Variants in CNTNAP2 observed in about 807,000 individuals in gnomAD.
The protein encoded by CNTNAP2 is contactin-associated protein-like 2.
CNTNAP2 carries 98 observed loss-of-function variants against 155.2 expected under a neutral mutation model. The ratio of observed to expected loss-of-function variants is 0.63; its 90% confidence interval spans 0.54 to 0.75. CNTNAP2 has a LOEUF of 0.75. Ranked by LOEUF, CNTNAP2 falls within the 30% of genes least tolerant of loss-of-function variation. The pLI is 0.00. For missense variants in CNTNAP2, 1,727 were observed against 1,688.1 expected, an observed-to-expected ratio of 1.02 and a Z score of -0.40; for synonymous variants, 651 against 631.2, an observed-to-expected ratio of 1.03 and a Z score of -0.47.
chr7:147,583,247 T>TGA (rs1800544583), intron 12 of CNTNAP2, among the ~76,000 whole-genome samples: 1 of 151,978 alleles, frequency 6.6e-6, no homozygotes, highest in Non-Finnish European at 1.5e-5. Context: ...CAGTTCCACA[T>TGA]AATCAGCTCC....
chr7:146,966,699 A>G (rs567153481), intron 3 of CNTNAP2, among the ~76,000 whole-genome samples: 5 of 152,188 alleles, frequency 3.3e-5, no homozygotes, highest in Admixed American at 2.0e-4. Context: ...TCACAATGCA[A>G]ATGTACTCAG....
intron 2 of CNTNAP2, among the ~76,000 whole-genome samples, chr7:146,816,258 G>A (rs781050460): frequency 6.6e-6 from 1 of 152,144 alleles, no homozygotes; most frequent in South Asian, 2.1e-4. Context: ...TTCAATGTGA[G>A]TCTGATAGTC....
At chr7:147,326,227 A>T (rs952308203) in intron 9 of CNTNAP2, among the ~76,000 whole-genome samples, 1 of 152,214 alleles carries the variant, frequency 6.6e-6, no homozygotes, top group Non-Finnish European at 1.5e-5. Flanking sequence ...CCTGGACACC[A>T]GCATTCTACT....
chr7:146,581,121 A>G (rs543233950), intron 1 of CNTNAP2, among the ~76,000 whole-genome samples: 1 of 152,240 alleles, frequency 6.6e-6, no homozygotes, highest in South Asian at 2.1e-4. Context: ...TCTGTGTTTA[A>G]TCAATGCCAC....
intron 15 of CNTNAP2, among the ~76,000 whole-genome samples, chr7:148,103,424 T>C (rs1804145841): frequency 6.6e-6 from 1 of 152,164 alleles, no homozygotes; most frequent in Admixed American, 6.6e-5. Context: ...AATTCTCAGA[T>C]TTCTTTGAAA....
chr7:146,626,534 G>A (rs1434286848), intron 1 of CNTNAP2, among the ~76,000 whole-genome samples: 1 of 152,098 alleles, frequency 6.6e-6, no homozygotes, highest in African/African-American at 2.4e-5. Context: ...AGAAAGGATT[G>A]TGTGTAATCT....
chr7:146,822,669 ACTTATT>A (rs1252418854), intron 2 of CNTNAP2, among the ~76,000 whole-genome samples: 2 of 147,496 alleles, frequency 1.4e-5, no homozygotes, highest in Non-Finnish European at 3.0e-5. Flanking sequence ...ATATAAATAT[ACTTATT>A]CTTAAGCATA....
At chr7:147,791,312 A>T (rs1236304852) in intron 13 of CNTNAP2, among the ~76,000 whole-genome samples, 1 of 152,094 alleles carries the variant, frequency 6.6e-6, no homozygotes, top group African/African-American at 2.4e-5. Context: ...GTCCTATAAT[A>T]TCTTACCTGG....
intron 1 of CNTNAP2, among the ~76,000 whole-genome samples, chr7:146,754,528 G>T (rs1282460576): frequency 6.7e-6 from 1 of 148,478 alleles, no homozygotes; most frequent in Non-Finnish European, 1.5e-5. Flanking sequence ...CATGTAGGTT[G>T]TTAGAGTCTC....
intron 21 of CNTNAP2, among the ~76,000 whole-genome samples, chr7:148,326,149 C>A (rs1056521321): frequency 5.6e-4 from 79 of 140,294 alleles, no homozygotes; most frequent in African/African-American, 1.8e-3. Context: ...TTTTTTTTTT[C>A]ATTAAGTTCT....
intron 21 of CNTNAP2, among the ~76,000 whole-genome samples, chr7:148,324,853 C>A (rs182444747): frequency 3.3e-5 from 5 of 150,300 alleles, no homozygotes; most frequent in Non-Finnish European, 5.9e-5. Context: ...ATACCCAGCA[C>A]CCATAACAGT....
chr7:146,422,875 A>G (rs1796032558), intron 1 of CNTNAP2, among the ~76,000 whole-genome samples: 1 of 152,168 alleles, frequency 6.6e-6, no homozygotes, highest in South Asian at 2.1e-4. Context: ...TAATTAAAAT[A>G]TGCCTTATTG....
intron 12 of CNTNAP2, among the ~76,000 whole-genome samples, chr7:147,623,308 G>A (rs1794902825): frequency 6.6e-6 from 1 of 152,072 alleles, no homozygotes; most frequent in Non-Finnish European, 1.5e-5. Flanking sequence ...AGTGGAAGAA[G>A]TCATATTATC....
chr7:147,700,037 G>C (rs1363177943), intron 13 of CNTNAP2, among the ~76,000 whole-genome samples: 1 of 152,066 alleles, frequency 6.6e-6, no homozygotes, highest in Non-Finnish European at 1.5e-5. Flanking sequence ...CTGACAATGT[G>C]GAAAATGTAT....
At chr7:146,863,585 TAGA>T (rs1795146087) in intron 3 of CNTNAP2, among the ~76,000 whole-genome samples, 3 of 152,046 alleles carry the variant, frequency 2.0e-5, no homozygotes, top group Non-Finnish European at 4.4e-5. Context: ...AGAGAAGAAT[TAGA>T]AGACTTGAAT....
intron 1 of CNTNAP2, among the ~76,000 whole-genome samples, chr7:146,176,096 T>C (rs1798466012): frequency 6.7e-6 from 1 of 149,236 alleles, no homozygotes; most frequent in East Asian, 1.9e-4. Context: ...ACATTTAAAC[T>C]TCTTCTTTTA....
rs551175375 is a variant in CNTNAP2, at chr7:147,871,850, A to G, written c.2099-31715A>G. The stretch of plus-strand genomic sequence containing the variant: ...GCCAGCTCCTCTCACATCTGCTTCA[A>G]TGATCTCTGTCTTTATCTTCCCAGT... On this transcript the variant is annotated intron_variant, in intron 13 of 23. Transcript: ENST00000361727. Among the ~76,000 whole-genome samples the G allele has an allele frequency of 1.1e-4, 16 of 152,280 alleles. No homozygotes were observed. In the South Asian group the frequency reaches 2.3e-3, roughly 22 times the overall value.
intron 3 of CNTNAP2, among the ~76,000 whole-genome samples, chr7:146,842,484 T>G (rs1585117809): frequency 6.6e-6 from 1 of 152,148 alleles, no homozygotes; most frequent in East Asian, 1.9e-4. Context: ...TGTTAGTCTG[T>G]TCTTGCACTG....
chr7:146,867,288 T>A (rs1363076045), intron 3 of CNTNAP2, among the ~76,000 whole-genome samples: 1 of 152,152 alleles, frequency 6.6e-6, no homozygotes, highest in Non-Finnish European at 1.5e-5. Context: ...TTTCTGTTCT[T>A]GTGTTAGTTT....
Sources: allele counts gnomAD v4.1 joint callset (sites outside exome capture counted in the v4.1 genomes callset), GRCh38; gene constraint gnomAD v4.1.1; transcripts MANE v1.5; gene names NCBI Gene and HGNC (gene_info 2026-07-23, HGNC 2026-07-21).